TOM1L1: variants seen among roughly 807,000 people sequenced by gnomAD.
The protein encoded by TOM1L1 is target of myb1 like 1 membrane trafficking protein, also known as TOM1-like protein 1.
In TOM1L1, 64 loss-of-function variants were observed where a neutral mutation model predicts 63.4. The observed-to-expected ratio is 1.01, with a 90% CI of 0.83 to 1.24. The LOEUF (loss-of-function observed/expected upper bound fraction) is 1.24. Ranked by LOEUF, TOM1L1 falls within the 50% of genes most tolerant of loss-of-function variation. The pLI is 0.00. For missense variants in TOM1L1, 536 were observed against 567.0 expected, an observed-to-expected ratio of 0.95 and a Z score of 0.55; for synonymous variants, 166 against 194.4, an observed-to-expected ratio of 0.85 and a Z score of 1.22.
In TOM1L1 at chr17:54,936,671, AT is replaced by A; in HGVS notation, c.881del (p.Leu294TrpfsTer27). 1 of 1,607,790 alleles carries A rather than the reference AT, an allele frequency of 6.2e-7. No individual in the cohort carries two copies. ...CAGGTTTACTAGAAACCAACAAAGG[AT>A]TTTGGAGCAAAATAAGAACCAGAAG... is the stretch of plus-strand genomic sequence containing the variant. The part of the protein sequence containing the change: ...YERFTRNQQR[I>X]LEQNKNQKEA... On this transcript the variant is annotated frameshift_variant, in exon 9 of 16. Coordinates refer to ENST00000575882, the MANE Select transcript of TOM1L1 (RefSeq NM_005486.3). LOFTEE classifies it high-confidence loss of function.
At chr17:54,945,673 GT>G (rs34341249) in intron 11 of TOM1L1, among the ~76,000 whole-genome samples, 4 of 148,930 alleles carry the variant, frequency 2.7e-5, no homozygotes, top group Non-Finnish European at 3.0e-5. Context: ...ATTCTGTTAA[GT>G]TTTTTTTTTA....
At chr17:54,912,199 T>C (rs750048846) in intron 3 of TOM1L1, among the ~76,000 whole-genome samples, 90 of 152,202 alleles carry the variant, frequency 5.9e-4, no homozygotes, top group Admixed American at 2.5e-3. Context: ...TAGCCCTAAA[T>C]AATCACTCTT....
chr17:54,949,557 A>C lies in TOM1L1; in HGVS notation c.1222A>C (p.Ser408Arg). Residue 408 changes from serine to arginine, a missense_variant, in exon 13 of 16, where the codon AGT (serine) becomes CGT (arginine). Physicochemically the swap from Ser to Arg is moderately radical, Grantham distance 110. Coordinates refer to ENST00000575882, the MANE Select transcript of TOM1L1 (RefSeq NM_005486.3). ...HSNSVFLQPV[S>R]LQTIAAAPSN... is the part of the protein sequence containing the mutation. Reference sequence around the variant, plus strand: ...AAATTCAGTGTTTCTACAGCCAGTTAGTCTACAAACCATTGCAGCAGCACC... The same window carrying C: ...AAATTCAGTGTTTCTACAGCCAGTTCGTCTACAAACCATTGCAGCAGCACC... 1 of 1,614,048 alleles carries C rather than the reference A, an allele frequency of 6.2e-7. No individual in the cohort carries two copies. Among genetic ancestry groups the C allele is most frequent in the Middle Eastern group, 1.7e-4 (1 of 6,060 alleles).
Position 54,930,186 on chromosome 17 carries a change from T to A in TOM1L1, c.834T>A (p.Asn278Lys). Residue 278 changes from asparagine (N) to lysine (K), a missense_variant, in exon 8 of 16, where the codon AAT becomes AAA. Transcript: ENST00000575882. ...ELIQVNEDLNNAILGYERFTR... is the reference protein window; with the variant it reads ...ELIQVNEDLNKAILGYERFTR... ...TTCAGGTGAATGAGGATTTGAATAA[T>A]GCTATCCTTGGATATGAGAGGTGAG... 6.2e-7 allele frequency: 1 copy of A among 1,614,134 alleles called. No individual in the cohort carries two copies. Among genetic ancestry groups the A allele is most frequent in the Non-Finnish European group, 8.5e-7 (1 of 1,179,994 alleles).
rs1262544934 is a variant in TOM1L1, at chr17:54,961,450, C to A, written c.*217C>A. ...AGATTTCAACAGAACTTGTTTGGAA[C>A]AAATACTCACTTAAAACTTCAGCAG... On this transcript the variant is annotated 3_prime_UTR_variant, in exon 16 of 16. Transcript: ENST00000575882. The A allele has an allele frequency of 6.8e-7, 1 of 1,480,340 alleles. No homozygotes were observed. Among genetic ancestry groups the A allele is most frequent in the Admixed American group, 2.5e-5 (1 of 39,762 alleles). 91.7% of individuals were successfully genotyped at this position (1,480,340 alleles called of 1,614,324 possible). A position where few individuals can be genotyped will look rare whatever the true frequency, so the allele number is the denominator to read the frequency against.
intron 8 of TOM1L1, among the ~76,000 whole-genome samples, chr17:54,931,133 G>A (rs373531797): frequency 5.2e-5 from 7 of 135,896 alleles, no homozygotes; most frequent in Admixed American, 2.7e-4. Context: ...CACAGTGACC[G>A]TATTTCTAAT....
At chr17:54,925,974 CT>C (rs1304686125) in intron 7 of TOM1L1, among the ~76,000 whole-genome samples, 7 of 152,072 alleles carry the variant, frequency 4.6e-5, no homozygotes, top group African/African-American at 1.7e-4. Context: ...GCTGTTTATA[CT>C]TACCTTCTAG....
At chr17:54,912,867 T>A in intron 4 of TOM1L1, 52 bp downstream of exon 4, 8 of 1,412,974 alleles carry the variant, frequency 5.7e-6, no homozygotes, top group Non-Finnish European at 7.5e-6. Context: ...ATTAGGGATT[T>A]AATAGCTTAC....
At chr17:54,906,690 T>G in intron 3 of TOM1L1, 1 of 866,958 alleles carries the variant, frequency 1.2e-6, no homozygotes, top group Non-Finnish European at 1.4e-6. Flanking sequence ...GCAATTCTCC[T>G]GTGTGTTGTA....
intron 7 of TOM1L1, among the ~76,000 whole-genome samples, chr17:54,921,465 C>T (rs2048682567): frequency 6.6e-6 from 1 of 152,068 alleles, no homozygotes; most frequent in Admixed American, 6.6e-5. Context: ...CAGGGCCCGG[C>T]GTGGTGGCTC....
At chr17:54,918,878 A>G (rs933502436) in intron 7 of TOM1L1, among the ~76,000 whole-genome samples, 4 of 152,346 alleles carry the variant, frequency 2.6e-5, no homozygotes, top group Middle Eastern at 6.8e-3. Context: ...AAAGAATCCC[A>G]ATTTGCCAAA....
In TOM1L1 at chr17:54,914,706, C is replaced by T. The variant is rs776517242; in HGVS notation, c.566C>T (p.Ala189Val). 1.2e-6 allele frequency: 2 copies of T among 1,613,822 alleles called. No individual in the cohort carries two copies. Among genetic ancestry groups the T allele is most frequent in the Non-Finnish European group, 1.7e-6 (2 of 1,179,736 alleles). ...PTAPALSSVI[A>V]PKNSTVTLVP... The stretch of plus-strand genomic sequence containing the variant: ...GCACCAGCTCTTTCTTCTGTAATTG[C>T]TCCAAAGAACTCGACTGTTACATTG... The change falls in exon 6 of 16, where the codon GCT becomes GTT. Residue 189 changes from alanine to valine, a missense_variant. By Grantham distance (64) the Ala-to-Val change is moderately conservative. Coordinates refer to ENST00000575882, the MANE Select transcript of TOM1L1 (RefSeq NM_005486.3).
At position 54,912,820 on chromosome 17, in the gene TOM1L1, G is replaced by A; in HGVS notation, c.372+5G>A. On this transcript the variant is annotated splice_donor_5th_base_variant and intron_variant, in intron 4 of 15. Coordinates refer to ENST00000575882, the MANE Select transcript of TOM1L1 (RefSeq NM_005486.3). ...AGAATCTTGAATTTCATTAAGGTAA[G>A]TCTGTTGTATACCTCATGGGATGGT... 2 of 1,599,412 alleles carry A rather than the reference G, an allele frequency of 1.3e-6. No individual in the cohort carries two copies. The highest frequency in any genetic ancestry group is 1.7e-6 in the Non-Finnish European group (2 of 1,175,174).
At chr17:54,937,295 G>A (rs983185097) in intron 10 of TOM1L1, 69 bp downstream of exon 10, 54 of 1,201,988 alleles carry the variant, frequency 4.5e-5, no homozygotes, top group Non-Finnish European at 6.4e-5. Flanking sequence ...CCTTAATTAC[G>A]TGATTAAATA....
chr17:54,944,332 C>T (rs979078673), intron 11 of TOM1L1, among the ~76,000 whole-genome samples: 10 of 151,976 alleles, frequency 6.6e-5, no homozygotes, highest in African/African-American at 9.7e-5. Context: ...CATCTGTAAT[C>T]CCAGCTACTC....
At chr17:54,937,493 G>A (rs1301503448) in intron 10 of TOM1L1, 2 of 431,390 alleles carry the variant, frequency 4.6e-6, no homozygotes, top group African/African-American at 4.0e-5. Flanking sequence ...TGTAGAAGTT[G>A]TTCAGCCCAA....
At chr17:54,906,823 C>T (rs2048419158) in intron 3 of TOM1L1, 1 of 985,214 alleles carries the variant, frequency 1.0e-6, no homozygotes, top group East Asian at 1.1e-4. Flanking sequence ...GTGTTGCAAG[C>T]CCTGCCTGCT....
chr17:54,920,011 A>T (rs77345725), intron 7 of TOM1L1, among the ~76,000 whole-genome samples: 37,751 of 141,904 alleles, frequency 0.27, 5,399 homozygotes, highest in African/African-American at 0.4. Flanking sequence ...TATTTATTTT[A>T]TTTATTCATT....
At chr17:54,901,350 T>TA (rs1186539878) in intron 1 of TOM1L1, 4 of 172,452 alleles carry the variant, frequency 2.3e-5, no homozygotes, top group Non-Finnish European at 4.9e-5. Context: ...GATGTGGCCT[T>TA]ACTGTGAGGG....
Sources: gnomAD v4.1 joint callset for allele counts (sites outside exome capture counted in the v4.1 genomes callset) on GRCh38, gnomAD v4.1.1 for gene constraint, MANE v1.5 for transcripts, NCBI Gene and HGNC (gene_info 2026-07-23, HGNC 2026-07-21) for gene names.